The following AFDN variants were observed in gnomAD, a reference collection of about 807,000 sequenced individuals.
The protein encoded by AFDN is afadin, adherens junction formation factor.
AFDN carries 68 observed loss-of-function variants against 216.6 expected under a neutral mutation model. That is an observed-to-expected ratio of 0.31 (90% CI 0.26 to 0.38). AFDN has a LOEUF of 0.38. Among genes scored for constraint, AFDN ranks in the 10% least tolerant of loss-of-function variants. The pLI, the probability that AFDN is intolerant of heterozygous loss-of-function variation, is 1.00. For synonymous variants in AFDN, 868 were observed against 853.7 expected, an observed-to-expected ratio of 1.02 and a Z score of -0.29; for missense variants, 2,136 against 2,342.0, an observed-to-expected ratio of 0.91 and a Z score of 1.82.
intron 3 of AFDN, among the ~76,000 whole-genome samples, chr6:167,871,702 CAT>C (rs1288703426): frequency 6.6e-6 from 1 of 152,204 alleles, no homozygotes; most frequent in South Asian, 2.1e-4. Flanking sequence ...TTTGCACAAA[CAT>C]AATACTTACA....
intron 31 of AFDN, chr6:167,963,074 A>AT: frequency 9.4e-7 from 1 of 1,068,726 alleles, no homozygotes; most frequent in East Asian, 4.9e-5. Context: ...ATACAGGAAA[A>AT]TTTAGTATGT....
chr6:167,866,878 C>T (rs1045412654), intron 2 of AFDN, among the ~76,000 whole-genome samples: 17 of 152,238 alleles, frequency 1.1e-4, no homozygotes, highest in African/African-American at 4.1e-4. Context: ...GGGGTCACCT[C>T]AGCACGTTTG....
At chr6:167,929,242 T>TAA (rs35368105) in intron 23 of AFDN, among the ~76,000 whole-genome samples, 32 of 146,726 alleles carry the variant, frequency 2.2e-4, no homozygotes, top group South Asian at 8.6e-4. Context: ...TCTCCAGCAT[T>TAA]AAAAAAAAAA....
rs202168067 is a variant in AFDN, at chr6:167,891,402, G to GGGGT, written c.1177+379_1177+382dup. Among the ~76,000 whole-genome samples, 15 of 101,472 alleles carry GGGGT rather than the reference G, an allele frequency of 1.5e-4. 1 individual carries two copies. In the East Asian group the frequency reaches 2.7e-3, roughly 18 times the overall value. The allele number at this position is 101,472 out of a possible 152,430, so 66.6% of individuals were successfully genotyped here. On this transcript the variant is annotated intron_variant, in intron 8 of 33. Coordinates refer to ENST00000683244, the MANE Select transcript of AFDN (RefSeq NM_001386888.1). ...ATTTACCTAGGGCAGATTTCATAAA[G>GGGGT]GGGTGGGTGTGTGTGTGTGTGTGTG...
upstream of AFDN, chr6:167,826,697 G>T: frequency 4.6e-6 from 2 of 438,606 alleles, no homozygotes; most frequent in East Asian, 5.7e-5. Context: ...CGCCGGTTGG[G>T]ACCCACCACC....
At chr6:167,852,347 A>G (rs1158519104) in intron 1 of AFDN, among the ~76,000 whole-genome samples, 1 of 152,150 alleles carries the variant, frequency 6.6e-6, no homozygotes, top group Non-Finnish European at 1.5e-5. Context: ...ATATTGGGCT[A>G]CTTTTTCTGT....
At chr6:167,891,408 G>GGTGGGT (rs1379541961) in intron 8 of AFDN, among the ~76,000 whole-genome samples, 5 of 72,050 alleles carry the variant, frequency 6.9e-5, no homozygotes, top group East Asian at 5.1e-4. Context: ...TAAAGGGGTG[G>GGTGGGT]GTGTGTGTGT....
chr6:167,869,628 G>A (rs1204672393), intron 2 of AFDN, among the ~76,000 whole-genome samples: 1 of 152,192 alleles, frequency 6.6e-6, no homozygotes, highest in Non-Finnish European at 1.5e-5. Context: ...GCCAGTAGGA[G>A]CAGGTCCATC....
intron 3 of AFDN, among the ~76,000 whole-genome samples, chr6:167,871,896 AT>A (rs1314075863): frequency 1.3e-5 from 2 of 152,140 alleles, no homozygotes; most frequent in African/African-American, 4.8e-5. Context: ...AGATTTCATC[AT>A]TTCTCCCCCA....
chr6:167,916,136 G>A (rs1791032126), intron 19 of AFDN, among the ~76,000 whole-genome samples: 1 of 152,162 alleles, frequency 6.6e-6, no homozygotes, highest in African/African-American at 2.4e-5. Flanking sequence ...CTAGCTTCTG[G>A]TGGTTTGCAC....
chr6:167,936,586 A>AG (rs1472550943), intron 23 of AFDN, among the ~76,000 whole-genome samples: 1 of 152,096 alleles, frequency 6.6e-6, no homozygotes, highest in Non-Finnish European at 1.5e-5. Flanking sequence ...TTTTAACCGT[A>AG]GGCAGTACAA....
At chr6:167,836,404 ATGTT>A (rs1325275858) in intron 1 of AFDN, among the ~76,000 whole-genome samples, 1 of 152,128 alleles carries the variant, frequency 6.6e-6, no homozygotes, top group Non-Finnish European at 1.5e-5. Context: ...TTCTCCTACT[ATGTT>A]TAGTTGTATT....
chr6:167,940,507 G>A (rs1288392286), intron 23 of AFDN, among the ~76,000 whole-genome samples: 4 of 40,856 alleles, frequency 9.8e-5, no homozygotes, highest in African/African-American at 2.9e-4. Context: ...GGATGTAGGG[G>A]TGAGGGTGGA....
chr6:167,867,857 G>T (rs915038477), intron 2 of AFDN, among the ~76,000 whole-genome samples: 1 of 152,136 alleles, frequency 6.6e-6, no homozygotes, highest in African/African-American at 2.4e-5. Context: ...TATCATCATT[G>T]TTGTCATCAT....
chr6:167,878,853 CTTTAG>C (rs1785759934), intron 5 of AFDN, among the ~76,000 whole-genome samples: 1 of 152,188 alleles, frequency 6.6e-6, no homozygotes, highest in African/African-American at 2.4e-5. Flanking sequence ...AAAGCCCTTC[CTTTAG>C]ATTTTCACAT....
Position 167,943,970 on chromosome 6 carries a change from C to G in AFDN, c.3269C>G (p.Ser1090Cys), listed in dbSNP as rs1562717806. Residue 1090 changes from serine to cysteine, a missense_variant, in exon 26 of 34, where the codon TCT becomes TGT. By Grantham distance (112) the Ser-to-Cys change is moderately radical. Coordinates refer to ENST00000683244, the MANE Select transcript of AFDN (RefSeq NM_001386888.1). ...GCAGAACTCATGACAAGAACAAGCTCTGTGGTGACACTGGAAGTAGCAAAG... is the reference window on the plus strand; with the variant it reads ...GCAGAACTCATGACAAGAACAAGCTGTGTGGTGACACTGGAAGTAGCAAAG... ...RAAELMTRTSSVVTLEVAKQG... is the reference protein window; with the variant it reads ...RAAELMTRTSCVVTLEVAKQG... The G allele has an allele frequency of 6.2e-7, 1 of 1,614,174 alleles. No individual in the cohort carries two copies. Among genetic ancestry groups the G allele is most frequent in the African/African-American group, 1.3e-5 (1 of 75,038 alleles).
intron 30 of AFDN, chr6:167,954,561 C>T (rs1417120020): frequency 8.4e-6 from 12 of 1,430,914 alleles, no homozygotes; most frequent in Non-Finnish European, 1.1e-5. Context: ...TCAGTGGTGG[C>T]TGTTTGATGT....
chr6:167,955,294 T>TCACCAAATAATAGTCC (rs1796382790), intron 30 of AFDN, among the ~76,000 whole-genome samples: 1 of 122,000 alleles, frequency 8.2e-6, no homozygotes, highest in Non-Finnish European at 1.8e-5. Context: ...AGTCCCCTTT[T>TCACCAAATAATAGTCC]CCTTCCCCCC....
chr6:167,876,465 A>G (rs1048357726), intron 5 of AFDN, among the ~76,000 whole-genome samples: 3 of 152,264 alleles, frequency 2.0e-5, no homozygotes, highest in African/African-American at 7.2e-5. Flanking sequence ...CTGAAAGAAA[A>G]TACAAAGAAG....
Sources: gnomAD v4.1 joint callset for allele counts (sites outside exome capture counted in the v4.1 genomes callset) on GRCh38, gnomAD v4.1.1 for gene constraint, MANE v1.5 for transcripts, NCBI Gene and HGNC (gene_info 2026-07-23, HGNC 2026-07-21) for gene names.